Variants in CSMD1 observed in about 807,000 individuals in gnomAD.
The protein encoded by CSMD1 is CUB and sushi domain-containing protein 1.
CSMD1 carries 213 observed loss-of-function variants against 417.5 expected under a neutral mutation model. The ratio of observed to expected loss-of-function variants is 0.51; its 90% CI spans 0.46 to 0.57. CSMD1 has a LOEUF of 0.57. CSMD1 is among the 20% of genes least tolerant of loss of function. The pLI is 0.00. For synonymous variants in CSMD1, 2,862 were observed against 1,736.8 expected, an observed-to-expected ratio of 1.65 and a Z score of -16.11; for missense variants, 6,923 against 4,529.7, an observed-to-expected ratio of 1.53 and a Z score of -15.17.
At chr8:3,053,554 A>G (rs2128990223) in intron 49 of CSMD1, among the ~76,000 whole-genome samples, 1 of 152,304 alleles carries the variant, frequency 6.6e-6, no homozygotes, top group East Asian at 1.9e-4. Context: ...CCAGGGCAGA[A>G]GGCAGCATCT....
At chr8:4,882,816 G>A (rs1042712455) in intron 1 of CSMD1, among the ~76,000 whole-genome samples, 1 of 151,922 alleles carries the variant, frequency 6.6e-6, no homozygotes, top group Non-Finnish European at 1.5e-5. Context: ...AACAAACTGA[G>A]GAAAACTTTC....
intron 4 of CSMD1, among the ~76,000 whole-genome samples, chr8:4,014,609 T>G (rs1332496070): frequency 2.0e-5 from 3 of 152,156 alleles, no homozygotes; most frequent in Non-Finnish European, 4.4e-5. Flanking sequence ...AGATTAAAAG[T>G]AATATTAGCC....
intron 1 of CSMD1, among the ~76,000 whole-genome samples, chr8:4,907,784 C>G (rs769809548): frequency 2.0e-4 from 31 of 151,406 alleles, no homozygotes; most frequent in Non-Finnish European, 3.8e-4. Context: ...CAGGCTGCTC[C>G]GAAACCCCTG....
intron 2 of CSMD1, among the ~76,000 whole-genome samples, chr8:4,460,581 A>G (rs574782740): frequency 6.6e-6 from 1 of 151,082 alleles, no homozygotes; most frequent in Admixed American, 6.6e-5. Context: ...TGTTCAAGAA[A>G]TAAAGAAGTC....
At chr8:4,550,788 C>A (rs1316863837) in intron 2 of CSMD1, among the ~76,000 whole-genome samples, 1 of 152,142 alleles carries the variant, frequency 6.6e-6, no homozygotes, top group Non-Finnish European at 1.5e-5. Context: ...TCATCTTTAT[C>A]AACACAGTGC....
chr8:3,523,068 G>C (rs1239192288), intron 10 of CSMD1, among the ~76,000 whole-genome samples: 1 of 150,296 alleles, frequency 6.7e-6, no homozygotes, highest in Non-Finnish European at 1.5e-5. Context: ...GTTAAAAATT[G>C]AATTCAGGTC....
chr8:4,840,429 T>C (rs775089172), intron 1 of CSMD1, among the ~76,000 whole-genome samples: 1 of 152,218 alleles, frequency 6.6e-6, no homozygotes, highest in Non-Finnish European at 1.5e-5. Flanking sequence ...ACTTATATGT[T>C]GAAGACTATA....
At chr8:4,753,313 G>C (rs929766317) in intron 1 of CSMD1, among the ~76,000 whole-genome samples, 24 of 151,784 alleles carry the variant, frequency 1.6e-4, no homozygotes, top group African/African-American at 5.8e-4. Flanking sequence ...ACATTTAAAT[G>C]ACCAGGATAA....
At chr8:3,483,341 A>C (rs1817850027) in intron 11 of CSMD1, among the ~76,000 whole-genome samples, 1 of 152,114 alleles carries the variant, frequency 6.6e-6, no homozygotes, top group African/African-American at 2.4e-5. Flanking sequence ...GATAATAAGG[A>C]AATATTATAA....
intron 49 of CSMD1, among the ~76,000 whole-genome samples, chr8:3,057,217 T>C (rs1308833316): frequency 6.6e-6 from 1 of 152,180 alleles, no homozygotes; most frequent in Non-Finnish European, 1.5e-5. Context: ...ATTTTTCAAG[T>C]AATAATTGAA....
In CSMD1 at chr8:2,997,879, A is replaced by C. The variant is rs1807051733; in HGVS notation, c.8377+132T>G. 9 of 823,984 alleles carry C rather than the reference A, an allele frequency of 1.1e-5. No individual in the cohort carries two copies. The South Asian group carries it at 2.1e-4, about 20-fold the overall frequency. The allele number at this position is 823,984 out of a possible 1,614,324, so 51.0% of individuals were successfully genotyped here. ...TGCTTACTCTCAGAAATGCTTTCACACCTGAATGGTGAGAGTTTGCAGAAC... is the reference window on the plus strand; with the variant it reads ...TGCTTACTCTCAGAAATGCTTTCACCCCTGAATGGTGAGAGTTTGCAGAAC... On this transcript the variant is annotated intron_variant, in intron 54 of 69. Transcript: ENST00000635120.
intron 25 of CSMD1, 131 bp downstream of exon 25, chr8:3,307,564 C>G (rs1276386395): frequency 3.7e-6 from 4 of 1,093,814 alleles, no homozygotes; most frequent in Admixed American, 4.9e-5. Context: ...AAACTTTTAG[C>G]TACAGCTTTA....
intron 2 of CSMD1, among the ~76,000 whole-genome samples, chr8:4,457,950 A>G (rs1296590776): frequency 6.6e-6 from 1 of 152,162 alleles, no homozygotes; most frequent in Non-Finnish European, 1.5e-5. Flanking sequence ...CAACCCAGGC[A>G]GAAAAACCCA....
chr8:4,668,671 C>T (rs542562393), intron 1 of CSMD1, among the ~76,000 whole-genome samples: 3 of 151,974 alleles, frequency 2.0e-5, no homozygotes, highest in East Asian at 3.9e-4. Context: ...AGGATGTTCT[C>T]GATTTCCTGA....
intron 3 of CSMD1, among the ~76,000 whole-genome samples, chr8:4,398,681 C>G (rs933745819): frequency 6.6e-6 from 1 of 152,128 alleles, no homozygotes; most frequent in Non-Finnish European, 1.5e-5. Flanking sequence ...AGGCATGAGC[C>G]ATCACACCCG....
At chr8:4,951,525 G>T (rs2117285277) in intron 1 of CSMD1, among the ~76,000 whole-genome samples, 1 of 147,332 alleles carries the variant, frequency 6.8e-6, no homozygotes, top group East Asian at 2.0e-4. Flanking sequence ...TGGGAGGGGA[G>T]AAAGAGAAAA....
intron 8 of CSMD1, among the ~76,000 whole-genome samples, chr8:3,593,748 C>T (rs192936880): frequency 4.6e-5 from 7 of 152,254 alleles, no homozygotes; most frequent in Admixed American, 4.6e-4. Context: ...TTCATATATC[C>T]ATTTTAACTT....
rs1187371889 is a variant in CSMD1, at chr8:3,359,204, G to C, written c.3252C>G (p.Thr1084=). ...GYRLEGATKL[T]CLGGGRRVWS... ...ACACACGGCGGCCCCCACCCAGGCA[G>C]GTAAGCTTGGTGGCACCTTCTAAAC... The change falls in exon 21 of 70, where the codon ACC becomes ACG. Residue 1084 remains threonine, a synonymous_variant. Coordinates refer to ENST00000635120, the MANE Select transcript of CSMD1 (RefSeq NM_033225.6). 4 of 1,613,830 alleles carry C rather than the reference G, an allele frequency of 2.5e-6. No individual in the cohort carries two copies. Among genetic ancestry groups the C allele is most frequent in the South Asian group, 1.1e-5 (1 of 91,086 alleles).
At chr8:4,920,025 T>C (rs567993989) in intron 1 of CSMD1, among the ~76,000 whole-genome samples, 4 of 152,278 alleles carry the variant, frequency 2.6e-5, no homozygotes, top group Admixed American at 2.6e-4. Flanking sequence ...TAGTCCCAGG[T>C]ATTTTGCTGC....
Sources: gnomAD v4.1 joint callset for allele counts (sites outside exome capture counted in the v4.1 genomes callset) on GRCh38, gnomAD v4.1.1 for gene constraint, MANE v1.5 for transcripts, NCBI Gene and HGNC (gene_info 2026-07-23, HGNC 2026-07-21) for gene names.